Variants in ADGRL2 observed in about 807,000 individuals in gnomAD.
ADGRL2 encodes the protein adhesion G protein-coupled receptor L2.
Under a neutral mutation model 157.4 loss-of-function variants are expected in ADGRL2, and 44 were observed. The ratio of observed to expected loss-of-function variants is 0.28; its 90% CI spans 0.22 to 0.36. The LOEUF (loss-of-function observed/expected upper bound fraction) is 0.36, where lower values mean the gene tolerates loss of function less well. ADGRL2 is among the 10% of genes least tolerant of loss of function. The probability of loss-of-function intolerance (pLI) is 1.00; values close to 1 mark genes in which losing one functional copy is unlikely to be tolerated. For synonymous variants in ADGRL2, 585 were observed against 624.7 expected (o/e 0.94, Z 0.95); for missense variants, 1,510 against 1,768.9 (o/e 0.85, Z 2.63).
chr1:81,780,909 C>G (rs1248433860), intron 2 of ADGRL2, among the ~76,000 whole-genome samples: 1 of 152,064 alleles, frequency 6.6e-6, no homozygotes, highest in Non-Finnish European at 1.5e-5. Flanking sequence ...GGTGGTAATC[C>G]TTGTTCTGTT....
At chr1:81,644,920 C>G (rs1257213492) in intron 3 of ADGRL2, among the ~76,000 whole-genome samples, 2 of 152,174 alleles carry the variant, frequency 1.3e-5, no homozygotes, top group African/African-American at 2.4e-5. Context: ...CCTTGTAGCT[C>G]TCACATTCAT....
At chr1:81,530,227 T>C (rs1478274815) in intron 2 of ADGRL2, among the ~76,000 whole-genome samples, 1 of 152,188 alleles carries the variant, frequency 6.6e-6, no homozygotes, top group African/African-American at 2.4e-5. Flanking sequence ...TTTATCTTCA[T>C]ACCAGTACAG....
chr1:81,981,685 G>C, intron 18 of ADGRL2, 123 bp from the exon 19 acceptor site: 1 of 778,608 alleles, frequency 1.3e-6, no homozygotes, highest in Non-Finnish European at 2.1e-6. Flanking sequence ...AAACCAAAAT[G>C]CTGTTGAATA....
At chr1:81,429,957 G>A (rs1412685845) in intron 1 of ADGRL2, among the ~76,000 whole-genome samples, 6 of 152,156 alleles carry the variant, frequency 3.9e-5, no homozygotes, top group South Asian at 2.1e-4. Flanking sequence ...GCAATGGCGC[G>A]ATCTTGGCTC....
At position 81,992,440 on chromosome 1, in the gene ADGRL2, T is replaced by C. The variant is rs983915048; in HGVS notation, c.*1295T>C. 1.3e-4 allele frequency: 20 copies of C among 152,626 alleles called. No homozygotes were observed. Among genetic ancestry groups the C allele is most frequent in the Admixed American group, 1.3e-3 (20 of 15,276 alleles). The allele number at this position is 152,626 out of a possible 1,614,324, so 9.5% of individuals were successfully genotyped here. A position where few individuals can be genotyped will look rare whatever the true frequency, so the allele number is the denominator to read the frequency against. Reference sequence around the variant, plus strand: ...TTTCAAGTAGTTAACATGTGAACTTTTATGTATGATACATAATTGGCTTTA... The same window carrying C: ...TTTCAAGTAGTTAACATGTGAACTTCTATGTATGATACATAATTGGCTTTA... On this transcript the variant is annotated 3_prime_UTR_variant, in exon 24 of 24. Coordinates refer to ENST00000686636, the MANE Select transcript of ADGRL2 (RefSeq NM_001366006.2).
At chr1:81,803,659 C>T (rs1411360578) in intron 1 of ADGRL2, among the ~76,000 whole-genome samples, 1 of 152,100 alleles carries the variant, frequency 6.6e-6, no homozygotes, top group African/African-American at 2.4e-5. Flanking sequence ...GGCTGCTTAG[C>T]AGCTTCTCCC....
intron 1 of ADGRL2, among the ~76,000 whole-genome samples, chr1:81,718,516 G>A (rs1413078443): frequency 6.6e-6 from 1 of 152,000 alleles, no homozygotes; most frequent in African/African-American, 2.4e-5. Context: ...ATTTATATGA[G>A]TGACCACATG....
At position 81,877,778 on chromosome 1, in the gene ADGRL2, G is replaced by A. The variant is rs557973427; in HGVS notation, c.74-29239G>A. On this transcript the variant is annotated intron_variant, in intron 2 of 23. Transcript: ENST00000686636. ...AGACCTTAAAAGAAATCTAGCTACT[G>A]CCATTTATAGGTGGTTATATGGATA... Among the ~76,000 whole-genome samples the A allele has an allele frequency of 4.3e-4, 66 of 152,052 alleles. 1 individual carries two copies. In the South Asian group the frequency reaches 0.013, roughly 30 times the overall value.
chr1:81,627,225 C>A (rs1326243973), intron 3 of ADGRL2, among the ~76,000 whole-genome samples: 1 of 152,072 alleles, frequency 6.6e-6, no homozygotes, highest in Admixed American at 6.6e-5. Flanking sequence ...AAGCCACATA[C>A]TTAAATGTAT....
intron 3 of ADGRL2, among the ~76,000 whole-genome samples, chr1:81,908,840 G>T (rs2094642709): frequency 6.7e-6 from 1 of 150,282 alleles, no homozygotes; most frequent in Non-Finnish European, 1.5e-5. Context: ...TATACTTATT[G>T]TATACTTAAC....
intron 1 of ADGRL2, among the ~76,000 whole-genome samples, chr1:81,812,239 A>C (rs766270281): frequency 2.4e-4 from 36 of 151,872 alleles, no homozygotes; most frequent in Non-Finnish European, 4.3e-4. Flanking sequence ...TATGCGATGA[A>C]ATAATCAAAG....
At chr1:81,642,751 A>G (rs574237617) in intron 3 of ADGRL2, among the ~76,000 whole-genome samples, 6 of 152,344 alleles carry the variant, frequency 3.9e-5, no homozygotes, top group African/African-American at 1.2e-4. Context: ...GATTTATTCC[A>G]GGTATGCAAA....
chr1:81,867,493 G>A (rs1332716117), intron 2 of ADGRL2, among the ~76,000 whole-genome samples: 1 of 152,264 alleles, frequency 6.6e-6, no homozygotes, highest in East Asian at 1.9e-4. Context: ...TGATCCATGA[G>A]AGAAAAAACA....
At chr1:81,679,489 C>T (rs570643878) in intron 3 of ADGRL2, among the ~76,000 whole-genome samples, 1 of 152,114 alleles carries the variant, frequency 6.6e-6, no homozygotes, top group East Asian at 1.9e-4. Flanking sequence ...CCTCGGTTTC[C>T]CTATCTTTAA....
At chr1:81,689,977 C>T (rs1570843134) in intron 3 of ADGRL2, among the ~76,000 whole-genome samples, 1 of 152,152 alleles carries the variant, frequency 6.6e-6, no homozygotes, top group South Asian at 2.1e-4. Context: ...ACTATTTCTT[C>T]CATTCCCCAA....
At chr1:81,375,957 C>G (rs971268642) in intron 1 of ADGRL2, among the ~76,000 whole-genome samples, 6 of 152,026 alleles carry the variant, frequency 3.9e-5, no homozygotes, top group African/African-American at 1.5e-4. Flanking sequence ...CTTATACTTA[C>G]TAACTTTAAT....
intron 3 of ADGRL2, among the ~76,000 whole-genome samples, chr1:81,669,279 AG>A (rs1465835877): frequency 2.0e-5 from 3 of 152,094 alleles, no homozygotes; most frequent in African/African-American, 7.2e-5. Context: ...GCCGCCACTG[AG>A]GCACACAACT....
At chr1:81,315,874 A>G (rs1240831677) in intron 1 of ADGRL2, among the ~76,000 whole-genome samples, 4 of 152,170 alleles carry the variant, frequency 2.6e-5, no homozygotes, top group Non-Finnish European at 5.9e-5. Flanking sequence ...TGCAGTATAT[A>G]TTTTGTCCAT....
intron 1 of ADGRL2, among the ~76,000 whole-genome samples, chr1:81,813,658 C>G (rs1440683388): frequency 1.3e-5 from 2 of 151,696 alleles, no homozygotes; most frequent in African/African-American, 2.4e-5. Context: ...ACAAATGCTT[C>G]TTTTCCATAC....
Sources: allele counts gnomAD v4.1 joint callset (sites outside exome capture counted in the v4.1 genomes callset), GRCh38; gene constraint gnomAD v4.1.1; transcripts MANE v1.5; gene names NCBI Gene and HGNC (gene_info 2026-07-23, HGNC 2026-07-21).